JARID2: variants seen among roughly 807,000 people sequenced by gnomAD.
The protein encoded by JARID2 is protein Jumonji.
Under a neutral mutation model 125.6 loss-of-function variants are expected in JARID2, and 21 were observed. The observed-to-expected ratio is 0.17, with a 90% CI of 0.12 to 0.24. The LOEUF is 0.24. JARID2 is among the 10% of genes least tolerant of loss of function. The pLI is 1.00. For missense variants in JARID2, 1,303 were observed against 1,639.6 expected (o/e 0.79, Z 3.55); for synonymous variants, 736 against 661.6 (o/e 1.11, Z -1.73).
At chr6:15,508,070 TCGGCATTCCTCACCAGGTCAGGTTCCTG>T (rs1311495002) in intron 11 of JARID2, among the ~76,000 whole-genome samples, 3 of 152,256 alleles carry the variant, frequency 2.0e-5, no homozygotes, top group African/African-American at 7.2e-5. Context: ...GGCCGGTTCC[TCGGCATTCCTCACCAGGTCAGGTTCCTG>T]CGGCCACCTC....
chr6:15,313,055 G>T (rs1323066563), intron 1 of JARID2, among the ~76,000 whole-genome samples: 2 of 152,152 alleles, frequency 1.3e-5, no homozygotes, highest in African/African-American at 4.8e-5. Flanking sequence ...GGAGTTTTCC[G>T]TTTATGTTGC....
rs60218567 is a variant in JARID2 at position 15,494,413 on chromosome 6, CTT to C, written c.907-1700_907-1699del. ...ACTGGTTTGGATGTTTTTGGCAAGTCTTTTTTTTTTTTTTTTTTTTGAGACAA... is the reference window on the plus strand; with the variant it reads ...ACTGGTTTGGATGTTTTTGGCAAGTCTTTTTTTTTTTTTTTTTTGAGACAA... On this transcript the variant is annotated intron_variant, in intron 6 of 17. Transcript: ENST00000341776. 1.4e-3 allele frequency among the ~76,000 whole-genome samples: 116 copies of C among 80,572 alleles called. 1 individual carries two copies. The highest frequency in any genetic ancestry group is 0.013 in the Middle Eastern group (1 of 76). 52.9% of individuals were successfully genotyped at this position (80,572 alleles called of 152,430 possible).
At chr6:15,405,677 G>C (rs1765620704) in intron 2 of JARID2, among the ~76,000 whole-genome samples, 1 of 152,114 alleles carries the variant, frequency 6.6e-6, no homozygotes, top group Non-Finnish European at 1.5e-5. Flanking sequence ...TCGGGGTGGG[G>C]GAGGGGGTTG....
intron 1 of JARID2, among the ~76,000 whole-genome samples, chr6:15,258,780 TCAAAA>T (rs916800949): frequency 6.6e-6 from 1 of 152,126 alleles, no homozygotes; most frequent in African/African-American, 2.4e-5. Flanking sequence ...AGATCCTGTC[TCAAAA>T]CAAAACAAAA....
intron 1 of JARID2, among the ~76,000 whole-genome samples, chr6:15,347,792 A>C (rs1186470592): frequency 6.6e-6 from 1 of 152,146 alleles, no homozygotes; most frequent in Non-Finnish European, 1.5e-5. Flanking sequence ...ATCATGGCTC[A>C]CAATAGCCTC....
In JARID2 at chr6:15,346,560, C is replaced by T. The variant is rs10452595; in HGVS notation, c.46-27557C>T. Among the ~76,000 whole-genome samples the T allele has an allele frequency of 9.3e-3, 1,406 of 151,990 alleles. 29 individuals carry two copies. Among genetic ancestry groups the T allele is most frequent in the African/African-American group, 0.031 (1,288 of 41,412 alleles). Reference sequence around the variant, plus strand: ...TTCTTTCTTCCTTTCTGCCTTTACGCGTTTGGTTGATGCATCTGTGTACCT... The same window carrying T: ...TTCTTTCTTCCTTTCTGCCTTTACGTGTTTGGTTGATGCATCTGTGTACCT... On this transcript the variant is annotated intron_variant, in intron 1 of 17. Transcript: ENST00000341776.
chr6:15,328,631 T>G (rs1762608304), intron 1 of JARID2, among the ~76,000 whole-genome samples: 1 of 151,400 alleles, frequency 6.6e-6, no homozygotes, highest in South Asian at 2.1e-4. Context: ...TGTAATATAG[T>G]AAGTGTTAAA....
At chr6:15,448,369 C>T (rs982223366) in intron 3 of JARID2, among the ~76,000 whole-genome samples, 17 of 152,120 alleles carry the variant, frequency 1.1e-4, no homozygotes, top group African/African-American at 3.1e-4. Context: ...TGTCTCGCTC[C>T]GTTGTCTGTG....
Position 15,508,443 on chromosome 6 carries a change from T to C in JARID2, c.2835T>C (p.Ala945=). The C allele has an allele frequency of 6.3e-7, 1 of 1,575,482 alleles. No homozygotes were observed. Among genetic ancestry groups the C allele is most frequent in the South Asian group, 1.1e-5 (1 of 90,284 alleles). Residue 945 remains alanine, a synonymous_variant, in exon 12 of 18, where the codon GCT becomes GCC. Coordinates refer to ENST00000341776, the MANE Select transcript of JARID2 (RefSeq NM_004973.4). ...ACATTGACTACTTACACACTGGTGC[T>C]GACTGCATTTGGTGAGTACTGGCCC... ...LPYIDYLHTG[A]DCIWYCIPAE...
At chr6:15,411,666 A>T (rs1466192696) in intron 3 of JARID2, among the ~76,000 whole-genome samples, 3 of 152,240 alleles carry the variant, frequency 2.0e-5, no homozygotes, top group African/African-American at 7.2e-5. Flanking sequence ...AGTGATTTTA[A>T]GGATGTGTAA....
chr6:15,397,768 C>G (rs1048679148), intron 2 of JARID2, among the ~76,000 whole-genome samples: 3 of 152,182 alleles, frequency 2.0e-5, no homozygotes, highest in African/African-American at 7.2e-5. Context: ...ATTTGCATAT[C>G]CAAGGATATC....
At chr6:15,495,465 A>G (rs1469921800) in intron 6 of JARID2, among the ~76,000 whole-genome samples, 4 of 152,192 alleles carry the variant, frequency 2.6e-5, no homozygotes, top group Non-Finnish European at 4.4e-5. Context: ...GGCCCTGTCC[A>G]GGGCTCGTCT....
At chr6:15,333,077 C>T (rs978354235) in intron 1 of JARID2, among the ~76,000 whole-genome samples, 11 of 151,432 alleles carry the variant, frequency 7.3e-5, no homozygotes, top group African/African-American at 2.2e-4. Flanking sequence ...GGACTACAGG[C>T]GCCCACCACC....
intron 1 of JARID2, among the ~76,000 whole-genome samples, chr6:15,261,259 A>G (rs1187901914): frequency 1.3e-5 from 2 of 151,714 alleles, no homozygotes; most frequent in Non-Finnish European, 2.9e-5. Context: ...TTTTCAGGAC[A>G]GGCATTATAT....
chr6:15,509,153 T>C (rs1581664023), intron 12 of JARID2: 1 of 1,284,188 alleles, frequency 7.8e-7, no homozygotes, highest in Middle Eastern at 2.3e-4. Context: ...TGAGGCTGGG[T>C]CCCCGCCTGT....
intron 5 of JARID2, among the ~76,000 whole-genome samples, chr6:15,480,697 T>C (rs1458769718): frequency 6.6e-6 from 1 of 152,224 alleles, no homozygotes; most frequent in Non-Finnish European, 1.5e-5. Flanking sequence ...CGCAAAGCAC[T>C]TATATACTTT....
chr6:15,284,887 T>C (rs1760933823), intron 1 of JARID2, among the ~76,000 whole-genome samples: 1 of 152,148 alleles, frequency 6.6e-6, no homozygotes, highest in Admixed American at 6.6e-5. Flanking sequence ...AACATAAAGC[T>C]AGGAGCTTGC....
intron 3 of JARID2, among the ~76,000 whole-genome samples, chr6:15,432,535 A>T (rs1767013396): frequency 6.6e-6 from 1 of 152,226 alleles, no homozygotes; most frequent in South Asian, 2.1e-4. Context: ...TCTCAGTAGC[A>T]CTGGTTGCAG....
At chr6:15,449,910 C>A (rs1312154968) in intron 3 of JARID2, among the ~76,000 whole-genome samples, 2 of 152,036 alleles carry the variant, frequency 1.3e-5, no homozygotes, top group Non-Finnish European at 2.9e-5. Context: ...ATTGGAAATT[C>A]CTCATAACAT....
Sources: allele counts gnomAD v4.1 joint callset (sites outside exome capture counted in the v4.1 genomes callset), GRCh38; gene constraint gnomAD v4.1.1; transcripts MANE v1.5; gene names NCBI Gene and HGNC (gene_info 2026-07-23, HGNC 2026-07-21).